RIMS2: variants seen among roughly 807,000 people sequenced by gnomAD.
The protein encoded by RIMS2 is regulating synaptic membrane exocytosis protein 2.
A neutral mutation model predicts 174.4 loss-of-function variants in RIMS2; 59 were observed. The observed-to-expected ratio is 0.34, with a 90% CI of 0.27 to 0.42. The LOEUF (loss-of-function observed/expected upper bound fraction) is 0.42, where lower values mean the gene tolerates loss of function less well. Ranked by LOEUF, RIMS2 falls within the 10% of genes least tolerant of loss-of-function variation. The probability of loss-of-function intolerance (pLI) is 1.00; values close to 1 mark genes in which losing one functional copy is unlikely to be tolerated. For synonymous variants in RIMS2, 606 were observed against 572.5 expected, an observed-to-expected ratio of 1.06 and a Z score of -0.84; for missense variants, 1,620 against 1,666.3, an observed-to-expected ratio of 0.97 and a Z score of 0.48.
chr8:103,736,061 C>G (rs1025957025), intron 2 of RIMS2, among the ~76,000 whole-genome samples: 1 of 152,078 alleles, frequency 6.6e-6, no homozygotes, highest in African/African-American at 2.4e-5. Context: ...GTTTATAACT[C>G]CATCTTCCTT....
chr8:103,586,867 G>C (rs566018214), intron 1 of RIMS2, among the ~76,000 whole-genome samples: 1 of 151,678 alleles, frequency 6.6e-6, no homozygotes, highest in African/African-American at 2.4e-5. Flanking sequence ...AAACCCAGAA[G>C]ATCCAAATAA....
intron 3 of RIMS2, among the ~76,000 whole-genome samples, chr8:103,818,826 T>C (rs763642506): frequency 6.6e-6 from 1 of 152,198 alleles, no homozygotes. Flanking sequence ...GTTTTCCAAA[T>C]GTACTTCTCT....
chr8:103,700,577 A>G (rs942742365), intron 2 of RIMS2, among the ~76,000 whole-genome samples: 1 of 151,864 alleles, frequency 6.6e-6, no homozygotes, highest in Non-Finnish European at 1.5e-5. Flanking sequence ...TTATTATTCA[A>G]CCTGACAGTC....
chr8:104,003,456 A>G (rs1180121474), intron 17 of RIMS2, among the ~76,000 whole-genome samples: 1 of 150,426 alleles, frequency 6.6e-6, no homozygotes, highest in Non-Finnish European at 1.5e-5. Context: ...CTCTGTCACC[A>G]GGCTGGAGTG....
chr8:104,173,892 G>C (rs1432781461), intron 19 of RIMS2, among the ~76,000 whole-genome samples: 1 of 149,080 alleles, frequency 6.7e-6, no homozygotes, highest in African/African-American at 2.5e-5. Flanking sequence ...AGAGTTTCAT[G>C]GTCTAGAAGT....
intron 19 of RIMS2, among the ~76,000 whole-genome samples, chr8:104,064,483 TA>T (rs1194202201): frequency 6.6e-6 from 1 of 152,050 alleles, no homozygotes; most frequent in Non-Finnish European, 1.5e-5. Context: ...GGGATTATTA[TA>T]AATTAAGGGA....
At chr8:103,851,422 C>T (rs1564912958) in intron 3 of RIMS2, among the ~76,000 whole-genome samples, 1 of 150,332 alleles carries the variant, frequency 6.7e-6, no homozygotes, top group Non-Finnish European at 1.5e-5. Flanking sequence ...GGAATGATTC[C>T]TTAAAATAAG....
intron 3 of RIMS2, among the ~76,000 whole-genome samples, chr8:103,821,341 G>A (rs541130033): frequency 2.3e-4 from 35 of 151,540 alleles, no homozygotes; most frequent in Non-Finnish European, 4.1e-4. Flanking sequence ...GCTTCTATAC[G>A]ACCAGTATGG....
chr8:103,679,103 G>T (rs1279353502), intron 1 of RIMS2, among the ~76,000 whole-genome samples: 1 of 151,976 alleles, frequency 6.6e-6, no homozygotes, highest in Non-Finnish European at 1.5e-5. Flanking sequence ...CCATGAAGAA[G>T]ACCAGAGGCA....
At chr8:103,585,780 C>T (rs546958510) in intron 1 of RIMS2, among the ~76,000 whole-genome samples, 7 of 151,380 alleles carry the variant, frequency 4.6e-5, no homozygotes, top group South Asian at 4.2e-4. Context: ...CTAATGCATG[C>T]GGGGCTTAAA....
At chr8:103,757,157 C>A (rs1472687290) in intron 2 of RIMS2, among the ~76,000 whole-genome samples, 1 of 151,986 alleles carries the variant, frequency 6.6e-6, no homozygotes, top group Non-Finnish European at 1.5e-5. Context: ...AATGCTCTTA[C>A]CTTTGATTCT....
intron 2 of RIMS2, among the ~76,000 whole-genome samples, chr8:103,756,916 C>T (rs558195693): frequency 2.0e-5 from 3 of 151,318 alleles, no homozygotes; most frequent in Admixed American, 2.0e-4. Context: ...ATGGCATTGC[C>T]AATCAAATAG....
At chr8:104,215,222 C>G (rs1047539535) in intron 19 of RIMS2, among the ~76,000 whole-genome samples, 2 of 152,128 alleles carry the variant, frequency 1.3e-5, no homozygotes, top group African/African-American at 4.8e-5. Context: ...TATCCACTAA[C>G]ATATGACTTA....
intron 1 of RIMS2, among the ~76,000 whole-genome samples, chr8:103,630,580 C>CAAAAAAAAAAAAA (rs61194218): frequency 1.1e-5 from 1 of 86,988 alleles, no homozygotes. Flanking sequence ...AACTCCATCT[C>CAAAAAAAAAAAAA]AAAAAAAAAA....
chr8:103,830,353 C>G (rs746778187), intron 3 of RIMS2, among the ~76,000 whole-genome samples: 1 of 151,992 alleles, frequency 6.6e-6, no homozygotes, highest in Non-Finnish European at 1.5e-5. Context: ...AAAGTGTGGT[C>G]ATTTCTAAAC....
At chr8:103,608,746 C>G (rs182874441) in intron 1 of RIMS2, among the ~76,000 whole-genome samples, 171 of 152,236 alleles carry the variant, frequency 1.1e-3, no homozygotes, top group Middle Eastern at 3.4e-3. Flanking sequence ...TGGGAGTGAC[C>G]CGATTTTCCA....
chr8:103,706,014 C>G (rs1176668), intron 2 of RIMS2, among the ~76,000 whole-genome samples: 96,282 of 151,418 alleles, frequency 0.64, 31,007 homozygotes, highest in East Asian at 0.88. Flanking sequence ...GTGGATAAGT[C>G]ATTTTTTTTT....
intron 2 of RIMS2, among the ~76,000 whole-genome samples, chr8:103,717,995 G>C (rs963999569): frequency 2.0e-5 from 3 of 151,644 alleles, no homozygotes; most frequent in Non-Finnish European, 4.4e-5. Context: ...GTAATCCTAA[G>C]TCTAGACAGC....
chr8:103,696,276 G>A (rs539618754), intron 1 of RIMS2, among the ~76,000 whole-genome samples: 1 of 151,948 alleles, frequency 6.6e-6, no homozygotes, highest in South Asian at 2.1e-4. Context: ...TAGCATGTAA[G>A]TTTTCTTCCA....
Sources: allele counts gnomAD v4.1 joint callset (sites outside exome capture counted in the v4.1 genomes callset), GRCh38; gene constraint gnomAD v4.1.1; transcripts MANE v1.5; gene names NCBI Gene and HGNC (gene_info 2026-07-23, HGNC 2026-07-21).